NUP210L: variants seen among roughly 807,000 people sequenced by gnomAD.
NUP210L encodes nuclear pore membrane glycoprotein 210-like.
Under a neutral mutation model 208.5 loss-of-function variants are expected in NUP210L, and 74 were observed. That is an observed-to-expected ratio of 0.35 (90% confidence interval 0.29 to 0.43). The LOEUF is 0.43. Ranked by LOEUF, NUP210L falls within the 20% of genes least tolerant of loss-of-function variation. The pLI, the probability that NUP210L is intolerant of heterozygous loss-of-function variation, is 1.00. For synonymous variants in NUP210L, 780 were observed against 816.9 expected (o/e 0.95, Z 0.77); for missense variants, 1,843 against 2,289.4 (o/e 0.81, Z 3.98).
intron 16 of NUP210L, among the ~76,000 whole-genome samples, chr1:154,070,799 A>G (rs1297082386): frequency 6.6e-6 from 1 of 152,206 alleles, no homozygotes; most frequent in Non-Finnish European, 1.5e-5. Flanking sequence ...GAATACGAGA[A>G]CATTCTGCTA....
At chr1:154,143,397 A>G (rs1467658717) in intron 3 of NUP210L, 49 bp downstream of exon 3, 4 of 1,570,972 alleles carry the variant, frequency 2.5e-6, no homozygotes, top group Non-Finnish European at 3.5e-6. Flanking sequence ...ACATAAACAG[A>G]TATTACTTTA....
intron 15 of NUP210L, among the ~76,000 whole-genome samples, chr1:154,092,678 C>A (rs148391527): frequency 6.6e-6 from 1 of 151,792 alleles, no homozygotes; most frequent in African/African-American, 2.4e-5. Context: ...TAAGCCACCA[C>A]ACCCAGCCAA....
intron 2 of NUP210L, among the ~76,000 whole-genome samples, chr1:154,147,225 T>C (rs1346494261): frequency 6.6e-6 from 1 of 152,096 alleles, no homozygotes; most frequent in Non-Finnish European, 1.5e-5. Context: ...CCCCATGAAA[T>C]AATGCAATGG....
At chr1:154,103,078 CTAA>C (rs34666241) in intron 13 of NUP210L, among the ~76,000 whole-genome samples, 9 of 149,328 alleles carry the variant, frequency 6.0e-5, no homozygotes, top group Non-Finnish European at 8.9e-5. Context: ...GACCCTGTCT[CTAA>C]TAATAATAAT....
intron 35 of NUP210L, among the ~76,000 whole-genome samples, chr1:154,003,352 C>A (rs1467714362): frequency 6.6e-6 from 1 of 151,820 alleles, no homozygotes; most frequent in Non-Finnish European, 1.5e-5. Flanking sequence ...GGACTACAGG[C>A]GCCTGCCACC....
intron 32 of NUP210L, among the ~76,000 whole-genome samples, chr1:154,020,563 AT>A (rs1651493935): frequency 6.6e-6 from 1 of 151,884 alleles, no homozygotes; most frequent in Non-Finnish European, 1.5e-5. Flanking sequence ...GTCTCGCTCC[AT>A]CACCCAGGCT....
chr1:154,053,924 A>G (rs554327348), intron 25 of NUP210L, among the ~76,000 whole-genome samples: 1 of 152,306 alleles, frequency 6.6e-6, no homozygotes, highest in African/African-American at 2.4e-5. Flanking sequence ...GTACCCCATA[A>G]ATACATATAT....
intron 16 of NUP210L, among the ~76,000 whole-genome samples, chr1:154,075,369 C>A (rs999496682): frequency 5.3e-5 from 8 of 152,026 alleles, no homozygotes; most frequent in Non-Finnish European, 1.2e-4. Context: ...CTCAATGACT[C>A]AACATCATAA....
chr1:154,139,613 G>C (rs1261379885), intron 5 of NUP210L, among the ~76,000 whole-genome samples, 189 bp downstream of exon 5: 1 of 151,726 alleles, frequency 6.6e-6, no homozygotes, highest in Non-Finnish European at 1.5e-5. Flanking sequence ...CAGACTGCTT[G>C]AGCTCAGAAG....
intron 2 of NUP210L, among the ~76,000 whole-genome samples, chr1:154,147,794 T>C (rs1223300145): frequency 1.3e-5 from 2 of 151,360 alleles, no homozygotes; most frequent in African/African-American, 4.9e-5. Context: ...TAGCTGGGAT[T>C]ACAGGCACAC....
intron 23 of NUP210L, among the ~76,000 whole-genome samples, chr1:154,055,551 A>T (rs894659450): frequency 6.6e-6 from 1 of 151,710 alleles, no homozygotes; most frequent in Non-Finnish European, 1.5e-5. Context: ...ACGCCTGTCC[A>T]TGCCTGACTA....
chr1:154,030,426 TA>T (rs1652149023), intron 27 of NUP210L, among the ~76,000 whole-genome samples: 1 of 152,032 alleles, frequency 6.6e-6, no homozygotes, highest in Non-Finnish European at 1.5e-5. Flanking sequence ...CTCTCCCTAG[TA>T]GCTGGGACTA....
At chr1:154,135,577 A>G (rs1336763446) in intron 7 of NUP210L, among the ~76,000 whole-genome samples, 1 of 151,944 alleles carries the variant, frequency 6.6e-6, no homozygotes, top group Admixed American at 6.6e-5. Context: ...GCCCGCCACC[A>G]CGCCTGGCTA....
At chr1:154,039,417 A>G (rs1292715447) in intron 27 of NUP210L, among the ~76,000 whole-genome samples, 1 of 151,894 alleles carries the variant, frequency 6.6e-6, no homozygotes, top group Non-Finnish European at 1.5e-5. Flanking sequence ...TAGTTTTAGT[A>G]GAGACGGGGG....
chr1:153,993,201 G>C, intron 38 of NUP210L, 112 bp from the exon 39 acceptor site: 1 of 658,632 alleles, frequency 1.5e-6, no homozygotes, highest in East Asian at 2.9e-5. Context: ...ATAAGTAATA[G>C]TAATGGCACT....
intron 25 of NUP210L, among the ~76,000 whole-genome samples, chr1:154,051,206 A>T (rs915456976): frequency 7.0e-6 from 1 of 143,684 alleles, no homozygotes; most frequent in African/African-American, 2.5e-5. Context: ...ATAATGCTAG[A>T]CATTTTCACA....
rs182337440 is a variant in NUP210L at position 154,053,572 on chromosome 1, C to A, written c.3483+656G>T. Among the ~76,000 whole-genome samples, 437 of 152,268 alleles carry A rather than the reference C, an allele frequency of 2.9e-3. 2 individuals carry two copies. The highest frequency in any genetic ancestry group is 9.9e-3 in the African/African-American group (411 of 41,562). ...AGAATGAGGGCAAGGAACACCTGGC[C>A]CACCCAGGGCGGAAAACCACTTAAG... is the stretch of plus-strand genomic sequence containing the variant. On this transcript the variant is annotated intron_variant, in intron 25 of 39. Coordinates refer to ENST00000368559, the Ensembl canonical transcript of NUP210L.
At chr1:154,008,865 A>G (rs1650729479) in intron 35 of NUP210L, among the ~76,000 whole-genome samples, 1 of 152,068 alleles carries the variant, frequency 6.6e-6, no homozygotes, top group Non-Finnish European at 1.5e-5. Context: ...TGCCTGATCT[A>G]GCATTAGAGG....
At chr1:154,144,615 TC>T (rs1558008593) in intron 2 of NUP210L, among the ~76,000 whole-genome samples, 1 of 152,248 alleles carries the variant, frequency 6.6e-6, no homozygotes, top group East Asian at 1.9e-4. Flanking sequence ...CAGCACTCTT[TC>T]CTACCACATT....
Sources: allele counts gnomAD v4.1 joint callset (sites outside exome capture counted in the v4.1 genomes callset), GRCh38; gene constraint gnomAD v4.1.1; transcripts MANE v1.5; gene names NCBI Gene and HGNC (gene_info 2026-07-23, HGNC 2026-07-21).